The following PIPOX variants were observed in gnomAD, a reference collection of about 807,000 sequenced individuals.
PIPOX encodes the protein pipecolic acid and sarcosine oxidase, also known as peroxisomal sarcosine oxidase.
In PIPOX, 45 loss-of-function variants were observed where a neutral mutation model predicts 47.9. The ratio of observed to expected loss-of-function variants is 0.94; its 90% confidence interval spans 0.74 to 1.20. The LOEUF (loss-of-function observed/expected upper bound fraction) is 1.20, where lower values mean the gene tolerates loss of function less well. PIPOX is among the 50% of genes most tolerant of loss of function. PIPOX has a pLI of 0.00. For synonymous variants in PIPOX, 165 were observed against 191.3 expected (o/e 0.86, Z 1.13); for missense variants, 458 against 498.4 (o/e 0.92, Z 0.77).
At chr17:29,055,260 C>T in intron 6 of PIPOX, 39 bp downstream of exon 6, 1 of 1,612,182 alleles carries the variant, frequency 6.2e-7, no homozygotes, top group African/African-American at 1.3e-5. Context: ...CCCCTCACCA[C>T]TCTACAGAAG....
intron 2 of PIPOX, chr17:29,046,579 C>G: frequency 1.0e-6 from 1 of 985,316 alleles, no homozygotes; most frequent in Non-Finnish European, 1.2e-6. Flanking sequence ...CTTATTGACC[C>G]ATTCTGGGTC....
intron 2 of PIPOX, among the ~76,000 whole-genome samples, chr17:29,050,539 A>G (rs1285146853): frequency 1.3e-5 from 2 of 152,206 alleles, no homozygotes; most frequent in African/African-American, 4.8e-5. Flanking sequence ...TCTACAAAAC[A>G]CAAAAAATTC....
chr17:29,045,096 G>A (rs1188089560), intron 2 of PIPOX, 89 bp downstream of exon 2: 6 of 1,387,374 alleles, frequency 4.3e-6, no homozygotes, highest in Non-Finnish European at 4.9e-6. Context: ...TGGAACATTT[G>A]GAATGCAATG....
In PIPOX at chr17:29,046,384, C is replaced by T. The variant is rs556562992; in HGVS notation, c.263+1377C>T. 4.6e-5 allele frequency among the ~76,000 whole-genome samples: 7 copies of T among 152,242 alleles called. No individual in the cohort carries two copies. In the Middle Eastern group the frequency reaches 0.01, roughly 222 times the overall value. The stretch of plus-strand genomic sequence containing the variant: ...GTGTCTGGAATCTTTCCGAGGGAGA[C>T]GATTCTGGAGTGAGACAGGCTTAGG... On this transcript the variant is annotated intron_variant, in intron 2 of 7. Transcript: ENST00000323372.
chr17:29,046,665 C>A (rs1204178467), intron 2 of PIPOX: 19 of 985,188 alleles, frequency 1.9e-5, no homozygotes, highest in Non-Finnish European at 2.2e-5. Context: ...ACCACAGATA[C>A]CAAGGGGAGT....
Position 29,056,478 on chromosome 17 carries a change from T to G in PIPOX, c.*173T>G. 1.4e-6 allele frequency: 1 copy of G among 704,218 alleles called. No individual in the cohort carries two copies. The highest frequency in any genetic ancestry group is 2.3e-6 in the Non-Finnish European group (1 of 432,026). 43.6% of individuals were successfully genotyped at this position (704,218 alleles called of 1,614,324 possible). A position where few individuals can be genotyped will look rare whatever the true frequency, so the allele number is the denominator to read the frequency against. On this transcript the variant is annotated 3_prime_UTR_variant, in exon 8 of 8. Transcript: ENST00000323372. ...TTCTTTCCTTGGCCCGCTCCCTTTT[T>G]CTTCTGCCTCACTTGAATCCCCCGT...
rs12325690 is a variant in PIPOX at position 29,052,842 on chromosome 17, G to A, written c.264-78G>A. 1.1e-3 allele frequency: 1,322 copies of A among 1,244,576 alleles called. 12 individuals are homozygous for A. The African/African-American group carries it at 0.017, about 16-fold the overall frequency. 77.1% of individuals were successfully genotyped at this position (1,244,576 alleles called of 1,614,324 possible). A position where few individuals can be genotyped will look rare whatever the true frequency, so the allele number is the denominator to read the frequency against. On this transcript the variant is annotated intron_variant, in intron 2 of 7. Transcript: ENST00000323372. ...CCTGCCTCAGCCTCCTGAAGTGCTG[G>A]GATTACAGGCGTGAGTCGTCACATC...
intron 5 of PIPOX, 47 bp downstream of exon 5, chr17:29,054,738 A>G (rs1367962791): frequency 1.3e-6 from 2 of 1,592,762 alleles, no homozygotes; most frequent in Non-Finnish European, 1.7e-6. Flanking sequence ...AGTGCAGATT[A>G]GGGGAAGCTG....
chr17:29,043,362 C>A, intron 1 of PIPOX, 23 bp downstream of exon 1: 1 of 1,550,346 alleles, frequency 6.5e-7, no homozygotes, highest in South Asian at 1.1e-5. Context: ...TTCTGCACCC[C>A]CAGCTGTAAG....
chr17:29,055,350 C>T (rs779781082), intron 6 of PIPOX, 129 bp downstream of exon 6: 102 of 1,086,270 alleles, frequency 9.4e-5, no homozygotes, highest in Middle Eastern at 2.1e-4. Context: ...AACAAACGGG[C>T]TCATTTCTGT....
In PIPOX at chr17:29,052,943, G is replaced by C. The variant is rs1253844117; in HGVS notation, c.287G>C (p.Gly96Ala). ...AGGCAGACTGGATTACTGCTGCTGG[G>C]AATGAAAGAGAATCAAGAATTAAAG... The part of the protein sequence containing the change: ...LHRQTGLLLL[G>A]MKENQELKTI... Residue 96 changes from glycine to alanine, a missense_variant, in exon 3 of 8, where the codon GGA (glycine) becomes GCA (alanine). Gly to Ala is a moderately conservative substitution (Grantham distance 60). Transcript: ENST00000323372. 1.2e-6 allele frequency: 2 copies of C among 1,614,184 alleles called. No individual in the cohort carries two copies. Among genetic ancestry groups the C allele is most frequent in the East Asian group, 4.5e-5 (2 of 44,886 alleles).
At position 29,044,943 on chromosome 17, in the gene PIPOX, A is replaced by T; in HGVS notation, c.199A>T (p.Met67Leu). 6.2e-7 allele frequency: 1 copy of T among 1,614,162 alleles called. No individual in the cohort carries two copies. Among genetic ancestry groups the T allele is most frequent in the Non-Finnish European group, 8.5e-7 (1 of 1,180,018 alleles). The change falls in exon 2 of 8, where the codon ATG becomes TTG. Residue 67 changes from methionine to leucine, a missense_variant. Transcript: ENST00000323372. ...KAYLEDFYTR[M>L]MHECYQIWAQ... Reference sequence around the variant, plus strand: ...GTACCTGGAAGACTTTTACACCCGGATGATGCATGAGTGCTATCAGATATG... The same window carrying T: ...GTACCTGGAAGACTTTTACACCCGGTTGATGCATGAGTGCTATCAGATATG...
chr17:29,047,779 T>G (rs2065791202), intron 2 of PIPOX, among the ~76,000 whole-genome samples: 1 of 152,102 alleles, frequency 6.6e-6, no homozygotes, highest in Non-Finnish European at 1.5e-5. Flanking sequence ...GGTCCCTGAG[T>G]GGTAGCTTGC....
chr17:29,054,956 G>A lies in PIPOX; in HGVS notation c.808-107G>A, dbSNP rs573214623. 6 of 1,456,532 alleles carry A rather than the reference G, an allele frequency of 4.1e-6. No homozygotes were observed. The African/African-American group carries it at 6.9e-5, about 17-fold the overall frequency. The allele number at this position is 1,456,532 out of a possible 1,614,324, so 90.2% of individuals were successfully genotyped here. A position where few individuals can be genotyped will look rare whatever the true frequency, so the allele number is the denominator to read the frequency against. On this transcript the variant is annotated intron_variant, in intron 5 of 7. Transcript: ENST00000323372. ...CACAGCACCTGCCAGGAGTGGGGAA[G>A]GCTGGAATGATGGATGGGGCTGTCC...
chr17:29,046,685 A>G (rs1598236152), intron 2 of PIPOX: 1 of 985,378 alleles, frequency 1.0e-6, no homozygotes, highest in Non-Finnish European at 1.2e-6. Flanking sequence ...TGGCAGCAGG[A>G]AAGAGGGAGA....
chr17:29,053,186 TG>T, intron 3 of PIPOX, 53 bp downstream of exon 3: 1 of 1,546,858 alleles, frequency 6.5e-7, no homozygotes, highest in Non-Finnish European at 8.9e-7. Context: ...CTGGGTGTCC[TG>T]GGTCCCAAGC....
At position 29,054,525 on chromosome 17, in the gene PIPOX, C is replaced by T. The variant is rs1160014775; in HGVS notation, c.661-20C>T. The stretch of plus-strand genomic sequence containing the variant: ...TTCCATGGCTTTTCTTCATTTCCCA[C>T]TTCCTCTCCCTGCCTCAAGACCCTG... On this transcript the variant is annotated intron_variant, in intron 4 of 7. Coordinates refer to ENST00000323372, the MANE Select transcript of PIPOX (RefSeq NM_016518.3). 6.2e-7 allele frequency: 1 copy of T among 1,612,336 alleles called. No homozygotes were observed. Among genetic ancestry groups the T allele is most frequent in the Admixed American group, 1.7e-5 (1 of 59,974 alleles).
At chr17:29,050,331 C>G (rs1264707455) in intron 2 of PIPOX, among the ~76,000 whole-genome samples, 1 of 152,196 alleles carries the variant, frequency 6.6e-6, no homozygotes, top group Non-Finnish European at 1.5e-5. Context: ...CCCTCCCAGC[C>G]AGGACCCCAT....
In PIPOX at chr17:29,045,015, G is replaced by A. The variant is rs746269764; in HGVS notation, c.263+8G>A. On this transcript the variant is annotated splice_region_variant and intron_variant, in intron 2 of 7. Coordinates refer to ENST00000323372, the MANE Select transcript of PIPOX (RefSeq NM_016518.3). ...TGGAACCCAATTGCACAGGTGGGCT[G>A]TGGGAGGAATTCCTTGAATCGTGGG... is the stretch of plus-strand genomic sequence containing the variant. The A allele has an allele frequency of 2.1e-5, 33 of 1,585,244 alleles. 1 individual carries two copies. The South Asian group carries it at 3.2e-4, about 15-fold the overall frequency.
Sources: allele counts gnomAD v4.1 joint callset (sites outside exome capture counted in the v4.1 genomes callset), GRCh38; gene constraint gnomAD v4.1.1; transcripts MANE v1.5; gene names NCBI Gene and HGNC (gene_info 2026-07-23, HGNC 2026-07-21).